DDC: variants seen among roughly 807,000 people sequenced by gnomAD.
DDC encodes dopa decarboxylase.
A neutral mutation model predicts 60.0 loss-of-function variants in DDC; 43 were observed. That is an observed-to-expected ratio of 0.72 (90% CI 0.56 to 0.92). DDC has a LOEUF of 0.92. DDC is among the 40% of genes least tolerant of loss of function. The pLI, the probability that DDC is intolerant of heterozygous loss-of-function variation, is 0.00. For synonymous variants in DDC, 232 were observed against 234.6 expected (o/e 0.99, Z 0.10); for missense variants, 573 against 620.2 (o/e 0.92, Z 0.81).
chr7:50,483,203 T>C (rs1223838787), intron 9 of DDC, among the ~76,000 whole-genome samples: 3 of 152,196 alleles, frequency 2.0e-5, no homozygotes, highest in Non-Finnish European at 4.4e-5. Flanking sequence ...TACTAAGACA[T>C]TTTGTCCTGA....
At chr7:50,465,591 C>T (rs561346188) in intron 13 of DDC, among the ~76,000 whole-genome samples, 4 of 152,304 alleles carry the variant, frequency 2.6e-5, no homozygotes, top group African/African-American at 4.8e-5. Context: ...AGGCTGTTCT[C>T]GAACTCCTGA....
rs1363315372 is a variant in DDC at position 50,476,663 on chromosome 7, A to G, written c.1022-20T>C. ...TAAGCCCTGGAGAAAAGAGAAAGAA[A>G]AAGAAAAAAGAAATCGTTAGACAGG... On this transcript the variant is annotated intron_variant, in intron 10 of 14. Transcript: ENST00000444124. The G allele has an allele frequency of 6.2e-7, 1 of 1,606,970 alleles. No homozygotes were observed. Among genetic ancestry groups the G allele is most frequent in the African/African-American group, 1.3e-5 (1 of 74,846 alleles).
intron 9 of DDC, among the ~76,000 whole-genome samples, chr7:50,491,068 T>C (rs1172821798): frequency 6.6e-6 from 1 of 152,224 alleles, no homozygotes; most frequent in Non-Finnish European, 1.5e-5. Context: ...TTCTGGAAAA[T>C]AATGTTGTCA....
chr7:50,514,593 G>A (rs776793089), intron 6 of DDC, among the ~76,000 whole-genome samples: 9 of 152,118 alleles, frequency 5.9e-5, no homozygotes, highest in Non-Finnish European at 1.2e-4. Flanking sequence ...AATACAAGAA[G>A]TAAGAGGAGA....
chr7:50,496,045 T>C (rs2153539079), intron 8 of DDC, among the ~76,000 whole-genome samples: 1 of 152,280 alleles, frequency 6.6e-6, no homozygotes, highest in East Asian at 1.9e-4. Flanking sequence ...TTTGCCAGCA[T>C]TGCTGTAACA....
chr7:50,471,119 C>A (rs960908118), intron 11 of DDC, among the ~76,000 whole-genome samples: 1 of 152,142 alleles, frequency 6.6e-6, no homozygotes, highest in East Asian at 1.9e-4. Flanking sequence ...AGGCCGGATG[C>A]GGTGGCTCAC....
At chr7:50,492,130 A>G (rs1398578285) in intron 9 of DDC, among the ~76,000 whole-genome samples, 1 of 152,192 alleles carries the variant, frequency 6.6e-6, no homozygotes, top group Admixed American at 6.5e-5. Flanking sequence ...CTCAGAAGAA[A>G]CCAGCCTGCT....
intron 3 of DDC, among the ~76,000 whole-genome samples, chr7:50,538,288 C>T (rs146556191): frequency 1.3e-5 from 2 of 152,244 alleles, no homozygotes; most frequent in East Asian, 1.9e-4. Flanking sequence ...GACTTTCCTC[C>T]GTAGTCACAA....
intron 7 of DDC, among the ~76,000 whole-genome samples, chr7:50,499,973 C>T (rs752287353): frequency 6.6e-6 from 1 of 152,182 alleles, no homozygotes; most frequent in Non-Finnish European, 1.5e-5. Context: ...AAATAGTACC[C>T]ATAGGCCCAA....
intron 1 of DDC, among the ~76,000 whole-genome samples, chr7:50,563,295 G>C (rs1415657997): frequency 2.6e-5 from 4 of 152,086 alleles, no homozygotes; most frequent in Admixed American, 1.3e-4. Context: ...TTCTCTGATA[G>C]ATGTTGACAT....
At chr7:50,562,487 G>T (rs1389338013) in intron 1 of DDC, among the ~76,000 whole-genome samples, 3 of 152,256 alleles carry the variant, frequency 2.0e-5, no homozygotes, top group Admixed American at 2.0e-4. Context: ...GGCCCCAGCC[G>T]TGAGCATTGG....
chr7:50,471,726 C>T (rs182620534), intron 11 of DDC, among the ~76,000 whole-genome samples: 89 of 152,306 alleles, frequency 5.8e-4, no homozygotes, highest in African/African-American at 2.0e-3. Flanking sequence ...CGAACCTGCA[C>T]ACACAGTTGT....
intron 13 of DDC, among the ~76,000 whole-genome samples, chr7:50,465,732 G>A (rs554181794): frequency 5.9e-5 from 9 of 152,330 alleles, no homozygotes; most frequent in Admixed American, 5.9e-4. Flanking sequence ...TAAAAAAATA[G>A]AATATAAAAG....
rs377138071 is a variant in DDC, at chr7:50,511,052, T to TACACACACAC, written c.715-7003_715-6994dup. Among the ~76,000 whole-genome samples, 263 of 139,134 alleles carry TACACACACAC rather than the reference T, an allele frequency of 1.9e-3. 1 individual carries two copies. Among genetic ancestry groups the TACACACACAC allele is most frequent in the East Asian group, 0.012 (55 of 4,724 alleles). The allele number at this position is 139,134 out of a possible 152,430, so 91.3% of individuals were successfully genotyped here. A position where few individuals can be genotyped will look rare whatever the true frequency, so the allele number is the denominator to read the frequency against. On this transcript the variant is annotated intron_variant, in intron 6 of 14. Transcript: ENST00000444124. ...TTGCTAGGATATTAGGATATATCTA[T>TACACACACAC]ACACACACACACACACACACACACA...
intron 1 of DDC, among the ~76,000 whole-genome samples, chr7:50,547,951 C>T (rs2153551673): frequency 6.6e-6 from 1 of 152,306 alleles, no homozygotes; most frequent in East Asian, 1.9e-4. Context: ...AGCATGTGCT[C>T]ACTCAATGAC....
intron 6 of DDC, 65 bp downstream of exon 6, chr7:50,528,072 T>C (rs2044088930): frequency 1.3e-6 from 2 of 1,577,128 alleles, no homozygotes; most frequent in Non-Finnish European, 1.7e-6. Context: ...AATTTTTTTT[T>C]GTATTTTTAG....
chr7:50,529,128 G>C lies in DDC; in HGVS notation c.570+80C>G, dbSNP rs893513338. ...CTGTTCTTAGATTTGGAAGGATGCT[G>C]TTTGGTTTGGTTTGAATTTGACATA... On this transcript the variant is annotated intron_variant, in intron 5 of 14. Transcript: ENST00000444124. 3.2e-6 allele frequency: 5 copies of C among 1,573,568 alleles called. No individual in the cohort carries two copies. In the African/African-American group the frequency reaches 4.1e-5, roughly 13 times the overall value.
At chr7:50,517,931 C>G (rs118185524) in intron 6 of DDC, among the ~76,000 whole-genome samples, 1 of 151,530 alleles carries the variant, frequency 6.6e-6, no homozygotes. Flanking sequence ...TAGATGGGGC[C>G]GGGCCTGGTG....
At chr7:50,540,215 A>ACTC (rs2044579095) in intron 2 of DDC, 187 bp from the exon 3 acceptor site, 1 of 628,726 alleles carries the variant, frequency 1.6e-6, no homozygotes, top group Non-Finnish European at 2.9e-6. Flanking sequence ...TTTACACATC[A>ACTC]CCTTACTGTC....
Sources: gnomAD v4.1 joint callset for allele counts (sites outside exome capture counted in the v4.1 genomes callset) on GRCh38, gnomAD v4.1.1 for gene constraint, MANE v1.5 for transcripts, NCBI Gene and HGNC (gene_info 2026-07-23, HGNC 2026-07-21) for gene names.